KAT2B: variants seen among roughly 807,000 people sequenced by gnomAD.
KAT2B encodes histone acetyltransferase KAT2B.
A neutral mutation model predicts 105.9 loss-of-function variants in KAT2B; 36 were observed. The observed-to-expected ratio is 0.34, with a 90% CI of 0.26 to 0.45. The LOEUF (loss-of-function observed/expected upper bound fraction) is 0.45. Ranked by LOEUF, KAT2B falls within the 20% of genes least tolerant of loss-of-function variation. The probability of loss-of-function intolerance (pLI) is 1.00; values close to 1 mark genes in which losing one functional copy is unlikely to be tolerated. For missense variants in KAT2B, 820 were observed against 1,021.6 expected, an observed-to-expected ratio of 0.80 and a Z score of 2.69; for synonymous variants, 397 against 377.9, an observed-to-expected ratio of 1.05 and a Z score of -0.59.
At chr3:20,110,833 T>C (rs940607475) in intron 5 of KAT2B, among the ~76,000 whole-genome samples, 1 of 152,180 alleles carries the variant, frequency 6.6e-6, no homozygotes, top group African/African-American at 2.4e-5. Flanking sequence ...AGAAAAGTCC[T>C]GGCTTCCCTC....
At position 20,040,608 on chromosome 3, in the gene KAT2B, C is replaced by T. The variant is rs1003580681; in HGVS notation, c.131C>T (p.Ala44Val). Residue 44 changes from alanine to valine, a missense_variant, in exon 1 of 18, where the codon GCT becomes GTT. Coordinates refer to ENST00000263754, the MANE Select transcript of KAT2B (RefSeq NM_003884.5). ...CCCCCGCAGGGCTCCCCCTGCGCCG[C>T]TGCCGCCGGGGGCTCGGGCGCCTGC... The part of the protein sequence containing the change: ...PAPPQGSPCA[A>V]AAGGSGACGP... The T allele has an allele frequency of 1.5e-6, 2 of 1,303,858 alleles. No individual in the cohort carries two copies. The highest frequency in any genetic ancestry group is 1.9e-6 in the Non-Finnish European group (2 of 1,029,000). 80.8% of individuals were successfully genotyped at this position (1,303,858 alleles called of 1,614,324 possible). A position where few individuals can be genotyped will look rare whatever the true frequency, so the allele number is the denominator to read the frequency against.
intron 3 of KAT2B, among the ~76,000 whole-genome samples, chr3:20,099,067 C>T (rs532888038): frequency 3.3e-4 from 50 of 152,254 alleles, no homozygotes; most frequent in South Asian, 1.0e-3. Flanking sequence ...AAGCAAAGAT[C>T]GAAGGTAAAG....
Position 20,040,550 on chromosome 3 carries a change from C to T in KAT2B, c.73C>T (p.Leu25=). 1.9e-6 allele frequency: 2 copies of T among 1,028,058 alleles called. No homozygotes were observed. Among genetic ancestry groups the T allele is most frequent in the Non-Finnish European group, 2.3e-6 (2 of 854,186 alleles). The allele number at this position is 1,028,058 out of a possible 1,614,324, so 63.7% of individuals were successfully genotyped here. Residue 25 remains leucine, a synonymous_variant, in exon 1 of 18, where the codon CTG becomes TTG. Coordinates refer to ENST00000263754, the MANE Select transcript of KAT2B (RefSeq NM_003884.5). ...GAGAGAGPGA[L]PPQPAALPPA... is the part of the protein sequence containing the mutation. ...CGGGGCAGGGGCCGGGCCCGGGGCG[C>T]TGCCCCCGCAGCCTGCGGCGCTTCC... is the stretch of plus-strand genomic sequence containing the variant.
At chr3:20,051,373 T>G (rs1422387910) in intron 1 of KAT2B, among the ~76,000 whole-genome samples, 3 of 152,166 alleles carry the variant, frequency 2.0e-5, no homozygotes. Context: ...CCTTCTCCCC[T>G]GGAGTCCGTA....
intron 2 of KAT2B, among the ~76,000 whole-genome samples, chr3:20,088,160 A>T (rs574668129): frequency 1.3e-5 from 2 of 152,254 alleles, no homozygotes; most frequent in African/African-American, 4.8e-5. Flanking sequence ...GTTGGGGTGG[A>T]CACTTAGGTA....
intron 1 of KAT2B, among the ~76,000 whole-genome samples, chr3:20,049,833 TGAAA>T (rs1448384067): frequency 1.3e-5 from 2 of 152,092 alleles, no homozygotes; most frequent in African/African-American, 4.8e-5. Flanking sequence ...TGAAGAAAGA[TGAAA>T]GAGACACCTA....
At chr3:20,099,998 A>C (rs1698881402) in intron 4 of KAT2B, 44 bp downstream of exon 4, 2 of 1,013,652 alleles carry the variant, frequency 2.0e-6, no homozygotes, top group Non-Finnish European at 3.1e-6. Context: ...CTCAAGGCTG[A>C]AGAAATCTTT....
At chr3:20,105,800 G>GA (rs35102951) in intron 5 of KAT2B, among the ~76,000 whole-genome samples, 32,032 of 94,050 alleles carry the variant, frequency 0.34, 5,194 homozygotes, top group Middle Eastern at 0.47. Flanking sequence ...GACCCTGTCT[G>GA]AAAAAAAAAA....
chr3:20,054,797 G>A (rs971756517), intron 1 of KAT2B, among the ~76,000 whole-genome samples: 34 of 152,260 alleles, frequency 2.2e-4, no homozygotes, highest in Middle Eastern at 3.4e-3. Context: ...ATAATGAAGT[G>A]AGTCATGTAA....
intron 2 of KAT2B, among the ~76,000 whole-genome samples, chr3:20,085,631 C>T (rs1575124293): frequency 1.3e-5 from 2 of 151,752 alleles, no homozygotes; most frequent in Admixed American, 1.3e-4. Context: ...TTGCCTCAGC[C>T]TCCCGAGTCG....
rs1473542120 is a variant in KAT2B at position 20,153,420 on chromosome 3, G to C, written c.*895G>C. 1 of 152,330 alleles carries C rather than the reference G, an allele frequency of 6.6e-6. No homozygotes were observed. The highest frequency in any genetic ancestry group is 6.5e-5 in the Admixed American group (1 of 15,270). The allele number at this position is 152,330 out of a possible 1,614,324, so 9.4% of individuals were successfully genotyped here. On this transcript the variant is annotated 3_prime_UTR_variant, in exon 18 of 18. Coordinates refer to ENST00000263754, the MANE Select transcript of KAT2B (RefSeq NM_003884.5). ...TCTGGTGAATCCTCGTTCTAATAAA[G>C]GTTCTTTTTCTTTTCTATGATACAC...
intron 11 of KAT2B, among the ~76,000 whole-genome samples, chr3:20,130,903 CGTGTGTGTGTGTGCATGCGTGCGT>C (rs999829607): frequency 1.4e-5 from 2 of 146,950 alleles, no homozygotes; most frequent in Non-Finnish European, 3.0e-5. Context: ...ATGGTAAGAA[CGTGTGTGTGTGTGCATGCGTGCGT>C]GTGTGTGTGT....
intron 17 of KAT2B, among the ~76,000 whole-genome samples, chr3:20,150,823 G>T (rs1699857589): frequency 6.6e-6 from 1 of 152,096 alleles, no homozygotes; most frequent in Admixed American, 6.6e-5. Context: ...AAAAAAGTTC[G>T]AAAAGCTTTT....
chr3:20,101,326 C>T lies in KAT2B; in HGVS notation c.709C>T (p.Pro237Ser). The change falls in exon 5 of 18, where the codon CCA becomes TCA. Residue 237 changes from proline (P) to serine (S), a missense_variant. Transcript: ENST00000263754. ...NFVQYKFSHL[P>S]AKERQTIVEL... ...TGTGCAGTACAAATTTAGTCACCTG[C>T]CAGCAAAAGAAAGGCAAACAATAGT... 7 of 1,613,950 alleles carry T rather than the reference C, an allele frequency of 4.3e-6. No individual in the cohort carries two copies. Among genetic ancestry groups the T allele is most frequent in the Non-Finnish European group, 5.9e-6 (7 of 1,179,958 alleles).
intron 9 of KAT2B, among the ~76,000 whole-genome samples, chr3:20,123,679 A>G (rs1699351406): frequency 6.6e-6 from 1 of 152,214 alleles, no homozygotes. Context: ...TGTGCATTGC[A>G]TTTAATTCTT....
chr3:20,068,061 A>G (rs1435966573), intron 1 of KAT2B, among the ~76,000 whole-genome samples: 3 of 150,676 alleles, frequency 2.0e-5, no homozygotes, highest in African/African-American at 4.9e-5. Flanking sequence ...CAGTGGCGCA[A>G]TCTTGGCTCA....
chr3:20,143,385 G>C (rs1699727424), intron 13 of KAT2B, among the ~76,000 whole-genome samples: 1 of 151,970 alleles, frequency 6.6e-6, no homozygotes, highest in Non-Finnish European at 1.5e-5. Flanking sequence ...AAAAATAACA[G>C]ATGTTGGCAA....
At chr3:20,077,670 G>A (rs1395482095) in intron 2 of KAT2B, among the ~76,000 whole-genome samples, 1 of 152,056 alleles carries the variant, frequency 6.6e-6, no homozygotes, top group African/African-American at 2.4e-5. Flanking sequence ...ATTTCTACTG[G>A]AAAATTTAAA....
At chr3:20,091,418 AT>A (rs1167102700) in intron 2 of KAT2B, among the ~76,000 whole-genome samples, 7 of 151,102 alleles carry the variant, frequency 4.6e-5, no homozygotes, top group Admixed American at 6.6e-5. Context: ...AAGTTTGTCC[AT>A]TTTTTTTATC....
Sources: allele counts gnomAD v4.1 joint callset (sites outside exome capture counted in the v4.1 genomes callset), GRCh38; gene constraint gnomAD v4.1.1; transcripts MANE v1.5; gene names NCBI Gene and HGNC (gene_info 2026-07-23, HGNC 2026-07-21).